The following RNF144B variants were observed in gnomAD, a reference collection of about 807,000 sequenced individuals.
RNF144B encodes E3 ubiquitin-protein ligase RNF144B.
In RNF144B, 25 loss-of-function variants were observed where a neutral mutation model predicts 40.2. That is an observed-to-expected ratio of 0.62 (90% confidence interval 0.45 to 0.87). The LOEUF (loss-of-function observed/expected upper bound fraction) is 0.87, where lower values mean the gene tolerates loss of function less well. Ranked by LOEUF, RNF144B falls within the 40% of genes least tolerant of loss-of-function variation. The pLI is 0.00. For synonymous variants in RNF144B, 145 were observed against 136.3 expected, an observed-to-expected ratio of 1.06 and a Z score of -0.44; for missense variants, 365 against 373.7, an observed-to-expected ratio of 0.98 and a Z score of 0.19.
chr6:18,404,781 A>G (rs12203019), intron 2 of RNF144B, among the ~76,000 whole-genome samples: 97,406 of 152,016 alleles, frequency 0.64, 31,421 homozygotes, highest in Middle Eastern at 0.7. Context: ...ATTCAGATGA[A>G]AGGGTGTTTC....
chr6:18,427,730 A>G lies in RNF144B; in HGVS notation c.270+45A>G, dbSNP rs527804670. The G allele has an allele frequency of 2.5e-6, 3 of 1,207,604 alleles. No individual in the cohort carries two copies. In the East Asian group the frequency reaches 7.0e-5, roughly 28 times the overall value. The allele number at this position is 1,207,604 out of a possible 1,614,324, so 74.8% of individuals were successfully genotyped here. On this transcript the variant is annotated intron_variant, in intron 3 of 7. Coordinates refer to ENST00000259939, the MANE Select transcript of RNF144B (RefSeq NM_182757.4). The stretch of plus-strand genomic sequence containing the variant: ...TCTTCCCCTCTTTCCTATTTATGTT[A>G]TTTATTAGGATCTTGAGTCTTTATG...
At chr6:18,437,535 A>C (rs1333479486) in intron 3 of RNF144B, among the ~76,000 whole-genome samples, 1 of 152,174 alleles carries the variant, frequency 6.6e-6, no homozygotes, top group East Asian at 1.9e-4. Flanking sequence ...AAAAGGACCA[A>C]ATAGAATGAG....
In RNF144B at chr6:18,395,366, T is replaced by C. The variant is rs1794672922; in HGVS notation, c.-36-4133T>C. Among the ~76,000 whole-genome samples, 1 of 152,090 alleles carries C rather than the reference T, an allele frequency of 6.6e-6. No individual in the cohort carries two copies. Among genetic ancestry groups the C allele is most frequent in the African/African-American group, 2.4e-5 (1 of 41,414 alleles). ...GAGTGTGTTATCAAATGCCCTGAGC[T>C]TCCTGAGGCTCTACTATTGGGGGTT... On this transcript the variant is annotated intron_variant, in intron 1 of 7. Coordinates refer to ENST00000259939, the MANE Select transcript of RNF144B (RefSeq NM_182757.4). This position sits in a 1 kb window ranked among gnomAD's most constrained non-coding sequence, Gnocchi z 4.5.
In RNF144B at chr6:18,445,408, A is replaced by G. The variant is rs186061900; in HGVS notation, c.331+5664A>G. 2.9e-4 allele frequency among the ~76,000 whole-genome samples: 44 copies of G among 152,292 alleles called. 1 individual carries two copies. The highest frequency in any genetic ancestry group is 1.1e-3 in the African/African-American group (44 of 41,568). On this transcript the variant is annotated intron_variant, in intron 4 of 7. Coordinates refer to ENST00000259939, the MANE Select transcript of RNF144B (RefSeq NM_182757.4). ...TCTCATGGCAGTTTTATTTCCCAGA[A>G]TGTTTCTGTTTCCCAGTAATAGTCA...
intron 2 of RNF144B, among the ~76,000 whole-genome samples, chr6:18,413,535 G>A (rs760151186): frequency 9.9e-5 from 15 of 152,194 alleles, no homozygotes; most frequent in Non-Finnish European, 1.9e-4. Flanking sequence ...AACCAAGGCC[G>A]AGACATTCAG....
chr6:18,431,197 G>A (rs889322340), intron 3 of RNF144B, among the ~76,000 whole-genome samples: 3 of 151,710 alleles, frequency 2.0e-5, no homozygotes, highest in African/African-American at 7.3e-5. Context: ...CTGCACTCCA[G>A]CCTGGGTGAC....
chr6:18,418,354 T>C lies in RNF144B; in HGVS notation c.166-9227T>C, dbSNP rs1230116663. Among the ~76,000 whole-genome samples, 2 of 152,150 alleles carry C rather than the reference T, an allele frequency of 1.3e-5. No individual in the cohort carries two copies. The highest frequency in any genetic ancestry group is 4.8e-5 in the African/African-American group (2 of 41,452). On this transcript the variant is annotated intron_variant, in intron 2 of 7. Coordinates refer to ENST00000259939, the MANE Select transcript of RNF144B (RefSeq NM_182757.4). The surrounding 1 kb of genome is among the most constrained non-coding windows in gnomAD (Gnocchi z 5.2). ...TCAACTGATGAAAGTATAAACAAAA[T>C]GTGGTATATTCACACAATGGCATAC...
intron 1 of RNF144B, among the ~76,000 whole-genome samples, chr6:18,389,026 C>T (rs1794527522): frequency 6.6e-6 from 1 of 152,116 alleles, no homozygotes; most frequent in Admixed American, 6.5e-5. Context: ...AAACCCCAAA[C>T]AATCACCCTA....
Position 18,434,846 on chromosome 6 carries a change from C to T in RNF144B, c.271-4838C>T, listed in dbSNP as rs1305861197. ...CCTTGTTAGCCAGGATGGTCTCAATCTCCTGACCTCGTGATCCACCTGCCT... is the reference window on the plus strand; with the variant it reads ...CCTTGTTAGCCAGGATGGTCTCAATTTCCTGACCTCGTGATCCACCTGCCT... On this transcript the variant is annotated intron_variant, in intron 3 of 7. Transcript: ENST00000259939. The surrounding 1 kb of genome is among the most constrained non-coding windows in gnomAD (Gnocchi z 4.1). Among the ~76,000 whole-genome samples, 2 of 152,162 alleles carry T rather than the reference C, an allele frequency of 1.3e-5. No individual in the cohort carries two copies. The highest frequency in any genetic ancestry group is 4.8e-5 in the African/African-American group (2 of 41,432).
intron 2 of RNF144B, among the ~76,000 whole-genome samples, chr6:18,404,057 A>G (rs906854769): frequency 6.6e-6 from 1 of 152,176 alleles, no homozygotes; most frequent in Non-Finnish European, 1.5e-5. Context: ...TGGGGAAGAA[A>G]TTTCAATGTG....
chr6:18,435,632 G>T (rs1758799472), intron 3 of RNF144B, among the ~76,000 whole-genome samples: 1 of 152,168 alleles, frequency 6.6e-6, no homozygotes, highest in Non-Finnish European at 1.5e-5. Flanking sequence ...AATTCCAAAT[G>T]ATAGAGAAGC....
intron 3 of RNF144B, among the ~76,000 whole-genome samples, chr6:18,429,955 T>C (rs1325118749): frequency 6.6e-6 from 1 of 152,096 alleles, no homozygotes; most frequent in East Asian, 1.9e-4. Flanking sequence ...CAGATAATTA[T>C]AAAAGTGAAA....
rs1389851541 is a variant in RNF144B, at chr6:18,410,349, T to TG, written c.165+10651dup. On this transcript the variant is annotated intron_variant, in intron 2 of 7. Transcript: ENST00000259939. This position sits in a 1 kb window ranked among gnomAD's most constrained non-coding sequence, Gnocchi z 4.6. The stretch of plus-strand genomic sequence containing the variant: ...AGTCATCAGACACAACCAGCCCTGC[T>TG]GTTATGTGGGCAGTAGACCCTCTGA... 2.6e-5 allele frequency among the ~76,000 whole-genome samples: 4 copies of TG among 152,188 alleles called. No homozygotes were observed. The highest frequency in any genetic ancestry group is 5.9e-5 in the Non-Finnish European group (4 of 68,030).
At chr6:18,387,740 T>G (rs559378023) in intron 1 of RNF144B, 110 bp downstream of exon 1, 1 of 898,340 alleles carries the variant, frequency 1.1e-6, no homozygotes, top group Non-Finnish European at 1.5e-6. Flanking sequence ...ATTTTTCGAT[T>G]TTCTGTCTCT....
chr6:18,407,322 G>C (rs2181800), intron 2 of RNF144B, among the ~76,000 whole-genome samples: 60,976 of 152,062 alleles, frequency 0.4, 13,517 homozygotes, highest in East Asian at 0.57. Context: ...ATAGTGGCCT[G>C]GACCAGCAGA....
chr6:18,427,795 T>TTTTAAAAA (rs1758597241), intron 3 of RNF144B, 110 bp downstream of exon 3: 1 of 703,106 alleles, frequency 1.4e-6, no homozygotes, highest in Non-Finnish European at 2.4e-6. Context: ...AATACAGAGG[T>TTTTAAAAA]TAACTTTTTA....
chr6:18,419,890 T>C lies in RNF144B; in HGVS notation c.166-7691T>C, dbSNP rs1259351333. On this transcript the variant is annotated intron_variant, in intron 2 of 7. Transcript: ENST00000259939. This position sits in a 1 kb window ranked among gnomAD's most constrained non-coding sequence, Gnocchi z 4.6. ...AGGATATTTTGAACATGTTCAAGTA[T>C]AGACAGGACAAAATTCAAGACATAG... 2.0e-5 allele frequency among the ~76,000 whole-genome samples: 3 copies of C among 152,270 alleles called. No homozygotes were observed. The highest frequency in any genetic ancestry group is 3.4e-3 in the Middle Eastern group (1 of 294).
At position 18,468,384 on chromosome 6, in the gene RNF144B, G is replaced by A. The variant is rs150470488; in HGVS notation, c.*3317G>A. Reference sequence around the variant, plus strand: ...CATGGGTATTTGCTTTGGACTTGGAGTCTGTACTTTGAAAGAGGCCTTTGA... The same window carrying A: ...CATGGGTATTTGCTTTGGACTTGGAATCTGTACTTTGAAAGAGGCCTTTGA... On this transcript the variant is annotated 3_prime_UTR_variant, in exon 8 of 8. Coordinates refer to ENST00000259939, the MANE Select transcript of RNF144B (RefSeq NM_182757.4). The A allele has an allele frequency of 2.3e-4, 35 of 152,292 alleles. No homozygotes were observed. In the East Asian group the frequency reaches 6.6e-3, roughly 29 times the overall value. The allele number at this position is 152,292 out of a possible 1,614,324, so 9.4% of individuals were successfully genotyped here. A position where few individuals can be genotyped will look rare whatever the true frequency, so the allele number is the denominator to read the frequency against.
chr6:18,445,274 G>A (rs34718482), intron 4 of RNF144B, among the ~76,000 whole-genome samples: 19,008 of 152,140 alleles, frequency 0.12, 1,363 homozygotes, highest in Admixed American at 0.19. Flanking sequence ...AGAATCAAAA[G>A]CAAACTCAGC....
Sources: allele counts gnomAD v4.1 joint callset (sites outside exome capture counted in the v4.1 genomes callset), GRCh38; gene constraint gnomAD v4.1.1; non-coding constraint Gnocchi (gnomAD v3.1); transcripts MANE v1.5; gene names NCBI Gene and HGNC (gene_info 2026-07-23, HGNC 2026-07-21).